The following CARD10 variants were observed in gnomAD, a reference collection of about 807,000 sequenced individuals.
CARD10 encodes caspase recruitment domain family member 10.
In CARD10, 49 loss-of-function variants were observed where a neutral mutation model predicts 114.6. The ratio of observed to expected loss-of-function variants is 0.43; its 90% confidence interval spans 0.34 to 0.54. CARD10 has a LOEUF of 0.54. Ranked by LOEUF, CARD10 falls within the 20% of genes least tolerant of loss-of-function variation. The probability of loss-of-function intolerance (pLI) is 0.03; values close to 1 mark genes in which losing one functional copy is unlikely to be tolerated. For synonymous variants in CARD10, 602 were observed against 593.2 expected (o/e 1.01, Z -0.21); for missense variants, 1,206 against 1,397.2 (o/e 0.86, Z 2.18).
Position 37,492,322 on chromosome 22 carries a change from C to A in CARD10, c.2751+113G>T. On this transcript the variant is annotated intron_variant, in intron 18 of 19. Coordinates refer to ENST00000251973, the MANE Select transcript of CARD10 (RefSeq NM_014550.4). This position sits in a 1 kb window ranked among gnomAD's most constrained non-coding sequence, Gnocchi z 5.7. ...AAAGGACTTGGCCAGGGCCGCCCTG[C>A]CAGTGAGCAGCAGAGCATGGCCCGC... 1 of 798,420 alleles carries A rather than the reference C, an allele frequency of 1.3e-6. No individual in the cohort carries two copies. Among genetic ancestry groups the A allele is most frequent in the Non-Finnish European group, 1.9e-6 (1 of 518,244 alleles). The allele number at this position is 798,420 out of a possible 1,614,324, so 49.5% of individuals were successfully genotyped here. A position where few individuals can be genotyped will look rare whatever the true frequency, so the allele number is the denominator to read the frequency against.
rs756286501 is a variant in CARD10, at chr22:37,502,607, G to C, written c.1782C>G (p.Leu594=). The part of the protein sequence containing the change: ...LLARGCGLDF[L]NRSLAIRVSG... Reference sequence around the variant, plus strand: ...ACTGCAGGCAGCTACAGTACCTGTTGAGGAAGTCCAGGCCACAGCCCCGAG... The same window carrying C: ...ACTGCAGGCAGCTACAGTACCTGTTCAGGAAGTCCAGGCCACAGCCCCGAG... The change falls in exon 11 of 20, where the codon CTC becomes CTG. Residue 594 remains leucine (L), a synonymous_variant. Transcript: ENST00000251973. The C allele has an allele frequency of 1.2e-6, 2 of 1,613,656 alleles. No individual in the cohort carries two copies. The highest frequency in any genetic ancestry group is 2.7e-5 in the African/African-American group (2 of 74,936).
rs1159655132 is a variant in CARD10, at chr22:37,496,958, G to A, written c.1947+61C>T. The A allele has an allele frequency of 9.3e-6, 14 of 1,505,586 alleles. No individual in the cohort carries two copies. The Admixed American group carries it at 2.7e-4, about 29-fold the overall frequency. 93.3% of individuals were successfully genotyped at this position (1,505,586 alleles called of 1,614,324 possible). On this transcript the variant is annotated intron_variant, in intron 12 of 19. Coordinates refer to ENST00000251973, the MANE Select transcript of CARD10 (RefSeq NM_014550.4). This position sits in a 1 kb window ranked among gnomAD's most constrained non-coding sequence, Gnocchi z 4.1. ...GTGATCTTGATCCACCAAATTAAGG[G>A]ATGTCCAGCCTGGGCAAAAGCACTG...
rs773275861 is a variant in CARD10 at position 37,519,090 on chromosome 22, C to A, written c.111G>T (p.Arg37=). Residue 37 remains arginine (R), a synonymous_variant, in exon 1 of 20, where the codon CGG becomes CGT. Coordinates refer to ENST00000251973, the MANE Select transcript of CARD10 (RefSeq NM_014550.4). The surrounding 1 kb of genome is among the most constrained non-coding windows in gnomAD (Gnocchi z 4.1). The part of the protein sequence containing the change: ...LWERIEGVRH[R]LARALNPAKL... ...TGGCCGGGTTCAGGGCGCGAGCCAG[C>A]CGATGCCGGACGCCCTCGATTCGCT... 6.3e-7 allele frequency: 1 copy of A among 1,591,666 alleles called. No homozygotes were observed. The highest frequency in any genetic ancestry group is 2.3e-5 in the East Asian group (1 of 44,398).
chr22:37,505,225 C>A (rs1350746709), intron 7 of CARD10, among the ~76,000 whole-genome samples: 4 of 150,048 alleles, frequency 2.7e-5, no homozygotes, highest in Non-Finnish European at 5.9e-5. Context: ...GCCTCTTGGC[C>A]ATGAAAAGGG....
chr22:37,508,606 T>C lies in CARD10; in HGVS notation c.986A>G (p.Gln329Arg), dbSNP rs1055399764. 1 of 1,581,112 alleles carries C rather than the reference T, an allele frequency of 6.3e-7. No individual in the cohort carries two copies. Residue 329 changes from glutamine to arginine, a missense_variant, in exon 5 of 20, where the codon CAG becomes CGG. By Grantham distance (43) the Gln-to-Arg change is conservative (BLOSUM62 1). Around this residue, in one of 2 missense-constraint regions of CARD10, gnomAD observed 1,068 missense variants for 1,179.1 expected, o/e 0.91. Transcript: ENST00000251973. ...DILEHDWREA[Q>R]DSRQELCQKL... ...CTGGCACAGCTCCTGCCTGCTGTCCTGCGCCTCCCGCCAGTCATGCTCTAG... is the reference window on the plus strand; with the variant it reads ...CTGGCACAGCTCCTGCCTGCTGTCCCGCGCCTCCCGCCAGTCATGCTCTAG...
intron 10 of CARD10, 127 bp from the exon 11 acceptor site, chr22:37,502,852 C>G: frequency 9.0e-7 from 1 of 1,105,582 alleles, no homozygotes; most frequent in Non-Finnish European, 1.3e-6. Context: ...AGGAGCACAT[C>G]AGACCCACTG....
chr22:37,505,257 A>C (rs552294604), intron 7 of CARD10, among the ~76,000 whole-genome samples: 4 of 152,154 alleles, frequency 2.6e-5, no homozygotes, highest in African/African-American at 9.7e-5. Context: ...ACCAAACAGC[A>C]AAAAAGCCAC....
chr22:37,503,051 G>A, intron 10 of CARD10, 134 bp downstream of exon 10: 1 of 1,007,292 alleles, frequency 9.9e-7, no homozygotes, highest in East Asian at 2.6e-5. Context: ...TTCCTGCCTG[G>A]CAGGGGCCAC....
Position 37,516,435 on chromosome 22 carries a change from G to A in CARD10, c.374-137C>T, listed in dbSNP as rs9619681. On this transcript the variant is annotated intron_variant, in intron 2 of 19. Coordinates refer to ENST00000251973, the MANE Select transcript of CARD10 (RefSeq NM_014550.4). ...AATATATTTGTAGAATTGGGAGCAG[G>A]GGAGGTCTTCCTAAACAACACACAA... 1.6e-3 allele frequency: 1,031 copies of A among 627,096 alleles called. 12 individuals are homozygous for A. In the African/African-American group the frequency reaches 0.017, roughly 11 times the overall value. The allele number at this position is 627,096 out of a possible 1,614,324, so 38.8% of individuals were successfully genotyped here.
Position 37,501,736 on chromosome 22 carries a change from G to A in CARD10, c.1787+866C>T, listed in dbSNP as rs1923220933. Reference sequence around the variant, plus strand: ...TCTGAGCCCCAGTTACCTCCTCTATGGAGCAGAGATAATCGTCATTATGCC... The same window carrying A: ...TCTGAGCCCCAGTTACCTCCTCTATAGAGCAGAGATAATCGTCATTATGCC... On this transcript the variant is annotated intron_variant, in intron 11 of 19. Coordinates refer to ENST00000251973, the MANE Select transcript of CARD10 (RefSeq NM_014550.4). The surrounding 1 kb of genome is among the most constrained non-coding windows in gnomAD (Gnocchi z 5.4). Among the ~76,000 whole-genome samples the A allele has an allele frequency of 6.6e-6, 1 of 152,178 alleles. No homozygotes were observed. The highest frequency in any genetic ancestry group is 2.4e-5 in the African/African-American group (1 of 41,432).
chr22:37,491,740 AC>A lies in CARD10; in HGVS notation c.2864+14del. ...GTCCGAGTGCCCTGCCCACTGCCCCACCCACCCACCTCACCTGACTTCCCGG... is the reference window on the plus strand; with the variant it reads ...GTCCGAGTGCCCTGCCCACTGCCCCACCACCCACCTCACCTGACTTCCCGG... On this transcript the variant is annotated intron_variant, in intron 19 of 19. Coordinates refer to ENST00000251973, the MANE Select transcript of CARD10 (RefSeq NM_014550.4). The A allele has an allele frequency of 2.2e-6, 1 of 463,926 alleles. No individual in the cohort carries two copies. The allele number at this position is 463,926 out of a possible 1,614,324, so 28.7% of individuals were successfully genotyped here. A position where few individuals can be genotyped will look rare whatever the true frequency, so the allele number is the denominator to read the frequency against.
Position 37,502,667 on chromosome 22 carries a change from G to C in CARD10, c.1722C>G (p.Ser574Arg). Residue 574 changes from serine (S) to arginine (R), a missense_variant, in exon 11 of 20, where the codon AGC becomes AGG. Coordinates refer to ENST00000251973, the MANE Select transcript of CARD10 (RefSeq NM_014550.4). ...CTTCCGGCTTTCCCAAAGGCCACACGCTGTCAGAGGATGAGGACGAAGAGA... is the reference window on the plus strand; with the variant it reads ...CTTCCGGCTTTCCCAAAGGCCACACCCTGTCAGAGGATGAGGACGAAGAGA... ...PGLSSSSSSDSVWPLGKPEGL... is the reference protein window; with the variant it reads ...PGLSSSSSSDRVWPLGKPEGL... 6.2e-7 allele frequency: 1 copy of C among 1,613,922 alleles called. No homozygotes were observed. The highest frequency in any genetic ancestry group is 8.5e-7 in the Non-Finnish European group (1 of 1,179,954).
In CARD10 at chr22:37,496,116, G is replaced by A. The variant is rs559089971; in HGVS notation, c.2060-113C>T. On this transcript the variant is annotated intron_variant, in intron 13 of 19. Coordinates refer to ENST00000251973, the MANE Select transcript of CARD10 (RefSeq NM_014550.4). This position sits in a 1 kb window ranked among gnomAD's most constrained non-coding sequence, Gnocchi z 4.1. ...GCCCTCTCGAGGCCTGAGTTCCCAGGACCCGACCTTCACCTTCTTAGAATG... is the reference window on the plus strand; with the variant it reads ...GCCCTCTCGAGGCCTGAGTTCCCAGAACCCGACCTTCACCTTCTTAGAATG... 1.4e-5 allele frequency: 19 copies of A among 1,358,712 alleles called. No individual in the cohort carries two copies. The highest frequency in any genetic ancestry group is 4.5e-5 in the Admixed American group (2 of 44,832). 84.2% of individuals were successfully genotyped at this position (1,358,712 alleles called of 1,614,324 possible).
chr22:37,494,045 T>C (rs1035035697), intron 16 of CARD10, 41 bp downstream of exon 16: 4 of 1,397,464 alleles, frequency 2.9e-6, no homozygotes, highest in African/African-American at 2.9e-5. Context: ...CCCTGGACAA[T>C]GGGAGCAACA....
chr22:37,497,404 G>T (rs925891254), intron 11 of CARD10, among the ~76,000 whole-genome samples: 1 of 152,114 alleles, frequency 6.6e-6, no homozygotes, highest in Admixed American at 6.5e-5. Flanking sequence ...CTGGGCACAC[G>T]GTGCAGTGGA....
At chr22:37,503,102 C>A in intron 10 of CARD10, 83 bp downstream of exon 10, 1 of 1,417,564 alleles carries the variant, frequency 7.1e-7, no homozygotes, top group Admixed American at 1.9e-5. Context: ...AAAGGTAGCG[C>A]AGGTGGTGCA....
In CARD10 at chr22:37,507,809, T is replaced by C; in HGVS notation, c.1191+20A>G. On this transcript the variant is annotated intron_variant, in intron 6 of 19. Transcript: ENST00000251973. ...AAGCAGCAACTGGCCCAGGGCCTCGTACACGCAGGCTGGGCTCACCTGGTC... is the reference window on the plus strand; with the variant it reads ...AAGCAGCAACTGGCCCAGGGCCTCGCACACGCAGGCTGGGCTCACCTGGTC... The C allele has an allele frequency of 6.2e-7, 1 of 1,613,962 alleles. No individual in the cohort carries two copies. Among genetic ancestry groups the C allele is most frequent in the Non-Finnish European group, 8.5e-7 (1 of 1,179,860 alleles).
At position 37,496,868 on chromosome 22, in the gene CARD10, G is replaced by A. The variant is rs1923023097; in HGVS notation, c.1947+151C>T. 1.1e-6 allele frequency: 1 copy of A among 942,296 alleles called. No individual in the cohort carries two copies. The highest frequency in any genetic ancestry group is 1.6e-5 in the South Asian group (1 of 61,172). The allele number at this position is 942,296 out of a possible 1,614,324, so 58.4% of individuals were successfully genotyped here. ...TCAGACTTCAATTAAGCCTGGCTGA[G>A]CAGGCAACCACAGCTAATCACTGAG... On this transcript the variant is annotated intron_variant, in intron 12 of 19. Coordinates refer to ENST00000251973, the MANE Select transcript of CARD10 (RefSeq NM_014550.4). This position sits in a 1 kb window ranked among gnomAD's most constrained non-coding sequence, Gnocchi z 4.1.
chr22:37,495,937 A>C lies in CARD10; in HGVS notation c.2126T>G (p.Ile709Ser). 6.2e-7 allele frequency: 1 copy of C among 1,614,166 alleles called. No homozygotes were observed. Among genetic ancestry groups the C allele is most frequent in the Non-Finnish European group, 8.5e-7 (1 of 1,180,036 alleles). Residue 709 changes from isoleucine to serine, a missense_variant, in exon 14 of 20, where the codon ATT (isoleucine) becomes AGT (serine). Transcript: ENST00000251973. ...CTCAGGCAAGGTGAGGTTGGCACGAATGTAGAAGGGCTCGGCACCTGGTCC... is the reference window on the plus strand; with the variant it reads ...CTCAGGCAAGGTGAGGTTGGCACGACTGTAGAAGGGCTCGGCACCTGGTCC... ...AKGPGAEPFY[I>S]RANLTLPERA...
Sources: allele counts gnomAD v4.1 joint callset (sites outside exome capture counted in the v4.1 genomes callset), GRCh38; gene constraint gnomAD v4.1.1; regional missense constraint gnomAD v4.1.1; non-coding constraint Gnocchi (gnomAD v3.1); transcripts MANE v1.5; gene names NCBI Gene and HGNC (gene_info 2026-07-23, HGNC 2026-07-21).